Variants in CDKAL1 observed in about 807,000 individuals in gnomAD.
CDKAL1 encodes threonylcarbamoyladenosine tRNA methylthiotransferase.
Under a neutral mutation model 68.2 loss-of-function variants are expected in CDKAL1, and 32 were observed. That is an observed-to-expected ratio of 0.47 (90% CI 0.35 to 0.63). CDKAL1 has a LOEUF of 0.63. Ranked by LOEUF, CDKAL1 falls within the 30% of genes least tolerant of loss-of-function variation. CDKAL1 has a pLI of 0.00. For missense variants in CDKAL1, 606 were observed against 696.7 expected (o/e 0.87, Z 1.47); for synonymous variants, 234 against 244.3 (o/e 0.96, Z 0.39).
At chr6:21,109,700 G>C (rs1349992284) in intron 13 of CDKAL1, among the ~76,000 whole-genome samples, 1 of 152,226 alleles carries the variant, frequency 6.6e-6, no homozygotes, top group Non-Finnish European at 1.5e-5. Context: ...AGGCTGATAA[G>C]TAATACAACA....
intron 6 of CDKAL1, chr6:20,756,906 TCCTTCCTTCCTTCCTTCCCTCCTTC>T (rs1561750656): frequency 1.2e-5 from 1 of 82,084 alleles, no homozygotes; most frequent in African/African-American, 3.7e-5. Flanking sequence ...CTTCCTTCCT[TCCTTCCTTCCTTCCTTCCCTCCTTC>T]CCTTCCTTCC....
At chr6:21,065,702 A>G (rs2150933660) in intron 12 of CDKAL1, among the ~76,000 whole-genome samples, 1 of 140,118 alleles carries the variant, frequency 7.1e-6, no homozygotes, top group South Asian at 2.2e-4. Context: ...GTTTTTTCAC[A>G]ACGAGCCTCA....
intron 10 of CDKAL1, among the ~76,000 whole-genome samples, chr6:20,992,196 T>TATATATA (rs1554155229): frequency 7.1e-6 from 1 of 141,016 alleles, no homozygotes; most frequent in African/African-American, 2.9e-5. Flanking sequence ...GTCAGCTTTT[T>TATATATA]TATATATATA....
rs1434589983 is a variant in CDKAL1 at position 21,230,857 on chromosome 6, A to G, written c.1558A>G (p.Asn520Asp). 1.9e-6 allele frequency: 3 copies of G among 1,601,924 alleles called. No homozygotes were observed. The highest frequency in any genetic ancestry group is 2.6e-6 in the Non-Finnish European group (3 of 1,171,692). ...GTTTCTCTCTTTATAGGACTTCAGA[A>G]ATGGGCTTGGGAACCAGCTGAGTTC... is the stretch of plus-strand genomic sequence containing the variant. ...EVSGLTKDFR[N>D]GLGNQLSSGS... The change falls in exon 16 of 16, where the codon AAT becomes GAT. Residue 520 changes from asparagine (N) to aspartate (D), a missense_variant. Asn to Asp is a conservative substitution (Grantham distance 23). Coordinates refer to ENST00000274695, the MANE Select transcript of CDKAL1 (RefSeq NM_017774.3).
rs148714453 is a variant in CDKAL1 at position 20,750,729 on chromosome 6, C to T, written c.469-7866C>T. Among the ~76,000 whole-genome samples the T allele has an allele frequency of 8.5e-3, 1,291 of 151,940 alleles. 13 individuals are homozygous for T. The highest frequency in any genetic ancestry group is 0.028 in the African/African-American group (1,177 of 41,408). ...CTGTAATCCCAGCACTTTGGGAGGC[C>T]GAGGCGGGCAGATCACTTGAGGTCA... is the stretch of plus-strand genomic sequence containing the variant. On this transcript the variant is annotated intron_variant, in intron 6 of 15. Coordinates refer to ENST00000274695, the MANE Select transcript of CDKAL1 (RefSeq NM_017774.3).
chr6:20,935,027 C>T, intron 9 of CDKAL1, among the ~76,000 whole-genome samples: 1 of 151,086 alleles, frequency 6.6e-6, no homozygotes, highest in South Asian at 2.1e-4. Flanking sequence ...TCCTGAGTAT[C>T]TGGGACTACA....
At chr6:21,038,525 G>A (rs1769719629) in intron 11 of CDKAL1, among the ~76,000 whole-genome samples, 1 of 152,086 alleles carries the variant, frequency 6.6e-6, no homozygotes, top group Admixed American at 6.6e-5. Flanking sequence ...TCTCTTTTTT[G>A]TACCAATCTG....
At chr6:20,549,899 G>T (rs1317505956) in intron 4 of CDKAL1, among the ~76,000 whole-genome samples, 4 of 149,692 alleles carry the variant, frequency 2.7e-5, no homozygotes, top group Non-Finnish European at 4.4e-5. Flanking sequence ...GAGCCACTGC[G>T]CCCAGCCTCC....
At chr6:20,806,458 A>G (rs1776575675) in intron 8 of CDKAL1, among the ~76,000 whole-genome samples, 1 of 152,176 alleles carries the variant, frequency 6.6e-6, no homozygotes, top group Non-Finnish European at 1.5e-5. Context: ...TCTTTATGGT[A>G]AAACAATTTA....
intron 10 of CDKAL1, among the ~76,000 whole-genome samples, chr6:20,995,596 C>T (rs1003661500): frequency 3.9e-5 from 6 of 152,072 alleles, no homozygotes; most frequent in Non-Finnish European, 5.9e-5. Context: ...CAGTAGGTCT[C>T]GATAGTGGGT....
chr6:21,220,608 C>G (rs12191541), intron 15 of CDKAL1, among the ~76,000 whole-genome samples: 29,838 of 152,202 alleles, frequency 0.2, 3,311 homozygotes, highest in South Asian at 0.25. Context: ...TACACCCTCC[C>G]CTTATTTTGG....
chr6:20,697,197 C>G (rs1272228839), intron 5 of CDKAL1, among the ~76,000 whole-genome samples: 2 of 152,092 alleles, frequency 1.3e-5, no homozygotes, highest in East Asian at 3.9e-4. Context: ...CTGAAATAAA[C>G]TGATTTTTTA....
At chr6:20,875,453 G>GA (rs1483164755) in intron 9 of CDKAL1, among the ~76,000 whole-genome samples, 1 of 150,948 alleles carries the variant, frequency 6.6e-6, no homozygotes, top group East Asian at 1.9e-4. Context: ...ATTGATAAAA[G>GA]AAAAAAAATA....
At chr6:20,792,121 T>A (rs1775921968) in intron 8 of CDKAL1, among the ~76,000 whole-genome samples, 3 of 152,214 alleles carry the variant, frequency 2.0e-5, no homozygotes, top group Admixed American at 1.3e-4. Context: ...TTGAAACCAC[T>A]TTGCTTTTAT....
At chr6:20,569,220 A>G (rs1764601167) in intron 4 of CDKAL1, among the ~76,000 whole-genome samples, 1 of 152,206 alleles carries the variant, frequency 6.6e-6, no homozygotes, top group African/African-American at 2.4e-5. Context: ...TCAGTTTTTG[A>G]GACACTTTTA....
At chr6:20,770,278 A>G (rs965555020) in intron 7 of CDKAL1, among the ~76,000 whole-genome samples, 1 of 152,208 alleles carries the variant, frequency 6.6e-6, no homozygotes, top group African/African-American at 2.4e-5. Flanking sequence ...GCAACTGTTA[A>G]AAAAGCCAGC....
At chr6:21,040,288 G>T (rs999136176) in intron 11 of CDKAL1, among the ~76,000 whole-genome samples, 1 of 152,124 alleles carries the variant, frequency 6.6e-6, no homozygotes, top group Non-Finnish European at 1.5e-5. Context: ...GAATAGAAAT[G>T]AAGTTTAAGG....
At chr6:21,019,844 A>G (rs1337905963) in intron 11 of CDKAL1, among the ~76,000 whole-genome samples, 1 of 152,106 alleles carries the variant, frequency 6.6e-6, no homozygotes, top group African/African-American at 2.4e-5. Context: ...TATTTAGTTT[A>G]CTTTTTTCAA....
intron 9 of CDKAL1, among the ~76,000 whole-genome samples, chr6:20,896,098 C>CTTTTTTTTTTTTTT (rs1291895133): frequency 9.6e-6 from 1 of 104,128 alleles, no homozygotes; most frequent in Non-Finnish European, 1.9e-5. Flanking sequence ...CTTTTCTTTT[C>CTTTTTTTTTTTTTT]TTTTCTTTTT....
Sources: gnomAD v4.1 joint callset for allele counts (sites outside exome capture counted in the v4.1 genomes callset) on GRCh38, gnomAD v4.1.1 for gene constraint, MANE v1.5 for transcripts, NCBI Gene and HGNC (gene_info 2026-07-23, HGNC 2026-07-21) for gene names.